ADAMTS19: variants seen among roughly 807,000 people sequenced by gnomAD.
ADAMTS19 encodes the protein ADAM metallopeptidase with thrombospondin type 1 motif 19, also known as A disintegrin and metalloproteinase with thrombospondin motifs 19.
ADAMTS19 carries 93 observed loss-of-function variants against 153.3 expected under a neutral mutation model. The ratio of observed to expected loss-of-function variants is 0.61; its 90% CI spans 0.51 to 0.72. ADAMTS19 has a LOEUF of 0.72. Among genes scored for constraint, ADAMTS19 ranks in the 30% least tolerant of loss-of-function variants. ADAMTS19 has a pLI of 0.00. For synonymous variants in ADAMTS19, 600 were observed against 556.6 expected, an observed-to-expected ratio of 1.08 and a Z score of -1.10; for missense variants, 1,482 against 1,552.1, an observed-to-expected ratio of 0.95 and a Z score of 0.76.
In ADAMTS19 at chr5:129,461,649, A is replaced by G. The variant is rs776852925; in HGVS notation, c.639A>G (p.Ala213=). ...CCGGCCCCGGCCCCACGGGGGCAGCATCCGCCCCGCAACCTCCCGCGCCAC... is the reference window on the plus strand; with the variant it reads ...CCGGCCCCGGCCCCACGGGGGCAGCGTCCGCCCCGCAACCTCCCGCGCCAC... The part of the protein sequence containing the change: ...PNPGPGPTGA[A]SAPQPPAPPD... Residue 213 remains alanine (A), a synonymous_variant, in exon 2 of 23, where the codon GCA becomes GCG. Coordinates refer to ENST00000274487, the MANE Select transcript of ADAMTS19 (RefSeq NM_133638.6). The surrounding 1 kb of genome is among the most constrained non-coding windows in gnomAD (Gnocchi z 4.6). 5.0e-6 allele frequency: 8 copies of G among 1,587,338 alleles called. No individual in the cohort carries two copies. The highest frequency in any genetic ancestry group is 6.8e-6 in the Non-Finnish European group (8 of 1,173,068).
intron 15 of ADAMTS19, among the ~76,000 whole-genome samples, chr5:129,664,316 A>G (rs1753940801): frequency 6.6e-6 from 1 of 152,182 alleles, no homozygotes; most frequent in Admixed American, 6.6e-5. Context: ...GGTAGAGATC[A>G]TCTTACCTGA....
intron 8 of ADAMTS19, among the ~76,000 whole-genome samples, chr5:129,601,638 C>G (rs1167676546): frequency 1.3e-5 from 2 of 152,170 alleles, no homozygotes; most frequent in African/African-American, 4.8e-5. Context: ...TCACATAGGC[C>G]AGAGTCCAGG....
At chr5:129,670,236 T>C (rs1226008522) in intron 16 of ADAMTS19, among the ~76,000 whole-genome samples, 1 of 152,202 alleles carries the variant, frequency 6.6e-6, no homozygotes, top group Non-Finnish European at 1.5e-5. Context: ...TTCTTGCTTT[T>C]CTAATGTCAA....
chr5:129,717,323 T>C (rs946654980), intron 21 of ADAMTS19, among the ~76,000 whole-genome samples: 4 of 152,142 alleles, frequency 2.6e-5, no homozygotes, highest in African/African-American at 9.7e-5. Flanking sequence ...TTTAAAATTT[T>C]TGGGGGGTAC....
chr5:129,562,115 A>G (rs781307430), intron 7 of ADAMTS19, among the ~76,000 whole-genome samples: 38 of 152,152 alleles, frequency 2.5e-4, no homozygotes, highest in Non-Finnish European at 4.4e-4. Context: ...TTTGTCACTT[A>G]TTATTTCAGT....
At chr5:129,485,342 G>A (rs1176067040) in intron 2 of ADAMTS19, among the ~76,000 whole-genome samples, 1 of 152,144 alleles carries the variant, frequency 6.6e-6, no homozygotes, top group Admixed American at 6.5e-5. Context: ...GTGGGATGCA[G>A]CTAAAACAAT....
At chr5:129,657,734 A>G (rs1305671546) in intron 14 of ADAMTS19, among the ~76,000 whole-genome samples, 1 of 152,194 alleles carries the variant, frequency 6.6e-6, no homozygotes, top group Non-Finnish European at 1.5e-5. Context: ...TGATTCATGA[A>G]CTGTAGTAAA....
At chr5:129,540,851 G>C (rs1047841299) in intron 6 of ADAMTS19, among the ~76,000 whole-genome samples, 1 of 152,106 alleles carries the variant, frequency 6.6e-6, no homozygotes, top group African/African-American at 2.4e-5. Context: ...AAGTCTAACA[G>C]TGTCATTTCT....
intron 6 of ADAMTS19, among the ~76,000 whole-genome samples, chr5:129,537,211 C>G (rs1752470536): frequency 6.6e-6 from 1 of 152,068 alleles, no homozygotes; most frequent in African/African-American, 2.4e-5. Flanking sequence ...AAATGCAAAT[C>G]AAAACCACAA....
intron 15 of ADAMTS19, among the ~76,000 whole-genome samples, chr5:129,664,357 G>T (rs980129963): frequency 6.6e-6 from 1 of 152,084 alleles, no homozygotes; most frequent in Non-Finnish European, 1.5e-5. Flanking sequence ...TTATGCATTT[G>T]TTTCCATTTT....
intron 3 of ADAMTS19, among the ~76,000 whole-genome samples, chr5:129,524,151 C>T (rs1735566208): frequency 2.0e-5 from 3 of 151,988 alleles, no homozygotes; most frequent in Non-Finnish European, 1.5e-5. Flanking sequence ...TCAAAAATAA[C>T]ACCACACACC....
chr5:129,634,475 G>C (rs1277698252), intron 10 of ADAMTS19, among the ~76,000 whole-genome samples: 1 of 151,944 alleles, frequency 6.6e-6, no homozygotes, highest in Non-Finnish European at 1.5e-5. Flanking sequence ...AAATAGCCAA[G>C]GCAATCAAGC....
At chr5:129,479,877 G>T (rs1227258142) in intron 2 of ADAMTS19, among the ~76,000 whole-genome samples, 1 of 152,086 alleles carries the variant, frequency 6.6e-6, no homozygotes, top group Non-Finnish European at 1.5e-5. Context: ...ATTTTAAGAT[G>T]TCAATTATTT....
Position 129,461,042 on chromosome 5 carries a change from G to A in ADAMTS19, c.92-60G>A, listed in dbSNP as rs1324726701. ...ATCTATGGACTGTGAGCTTGGAAAT[G>A]TTTGTGCTACTGGAACCGCGGCACT... On this transcript the variant is annotated intron_variant, in intron 1 of 22. Transcript: ENST00000274487. This position sits in a 1 kb window ranked among gnomAD's most constrained non-coding sequence, Gnocchi z 4.6. 7 of 1,291,598 alleles carry A rather than the reference G, an allele frequency of 5.4e-6. No homozygotes were observed. The highest frequency in any genetic ancestry group is 1.5e-5 in the African/African-American group (1 of 64,570). 80.0% of individuals were successfully genotyped at this position (1,291,598 alleles called of 1,614,324 possible). A position where few individuals can be genotyped will look rare whatever the true frequency, so the allele number is the denominator to read the frequency against.
At chr5:129,704,497 A>G (rs1035160750) in intron 21 of ADAMTS19, 106 bp downstream of exon 21, 7 of 1,291,734 alleles carry the variant, frequency 5.4e-6, no homozygotes, top group Non-Finnish European at 7.4e-6. Context: ...GGAGAGTAGA[A>G]TTAAACATCA....
chr5:129,560,878 C>T (rs1329962239), intron 7 of ADAMTS19, among the ~76,000 whole-genome samples: 1 of 151,962 alleles, frequency 6.6e-6, no homozygotes, highest in Non-Finnish European at 1.5e-5. Context: ...GTTTTAGAAA[C>T]TGTTTTAGAG....
At chr5:129,639,360 G>A (rs543743223) in intron 10 of ADAMTS19, among the ~76,000 whole-genome samples, 2 of 152,202 alleles carry the variant, frequency 1.3e-5, no homozygotes, top group East Asian at 3.9e-4. Flanking sequence ...CTTACTTGTG[G>A]GATTTTGGTT....
intron 20 of ADAMTS19, among the ~76,000 whole-genome samples, chr5:129,703,801 G>T: frequency 6.6e-6 from 1 of 152,046 alleles, no homozygotes; most frequent in East Asian, 1.9e-4. Flanking sequence ...CATGTTTTTT[G>T]AGAAGTGACA....
At chr5:129,590,488 C>A (rs571051271) in intron 7 of ADAMTS19, among the ~76,000 whole-genome samples, 11 of 152,274 alleles carry the variant, frequency 7.2e-5, no homozygotes, top group Admixed American at 4.6e-4. Flanking sequence ...ATTACACTCA[C>A]TCCTTTCTCT....
Sources: allele counts gnomAD v4.1 joint callset (sites outside exome capture counted in the v4.1 genomes callset), GRCh38; gene constraint gnomAD v4.1.1; non-coding constraint Gnocchi (gnomAD v3.1); transcripts MANE v1.5; gene names NCBI Gene and HGNC (gene_info 2026-07-23, HGNC 2026-07-21).